NAV2: variants seen among roughly 807,000 people sequenced by gnomAD.
The protein encoded by NAV2 is helicase, APC down-regulated 1.
A neutral mutation model predicts 223.2 loss-of-function variants in NAV2; 54 were observed. That is an observed-to-expected ratio of 0.24 (90% CI 0.19 to 0.30). The LOEUF (loss-of-function observed/expected upper bound fraction) is 0.30. Among genes scored for constraint, NAV2 ranks in the 10% least tolerant of loss-of-function variants. The pLI is 1.00. For missense variants in NAV2, 2,806 were observed against 3,147.5 expected, an observed-to-expected ratio of 0.89 and a Z score of 2.60; for synonymous variants, 1,279 against 1,239.3, an observed-to-expected ratio of 1.03 and a Z score of -0.67.
chr11:19,933,402 C>G lies in NAV2; in HGVS notation c.1158C>G (p.Pro386=), dbSNP rs199882898. The G allele has an allele frequency of 6.3e-7, 1 of 1,581,480 alleles. No homozygotes were observed. Among genetic ancestry groups the G allele is most frequent in the Admixed American group, 1.8e-5 (1 of 54,494 alleles). Residue 386 remains proline (P), a synonymous_variant, in exon 7 of 38, where the codon CCC becomes CCG. Transcript: ENST00000349880. The surrounding 1 kb of genome is among the most constrained non-coding windows in gnomAD (Gnocchi z 4.3). ...CTCCTGGGCCTGAGGCCCCCAGGCC[C>G]ACACCTGAAGCCATGAAGCCGGCCC... is the stretch of plus-strand genomic sequence containing the variant. ...VKPPGPEAPR[P]TPEAMKPAPN...
At chr11:19,985,904 A>G (rs1160836601) in intron 11 of NAV2, among the ~76,000 whole-genome samples, 92 of 151,928 alleles carry the variant, frequency 6.1e-4, no homozygotes. Context: ...AGGAGAAACT[A>G]AACTCTCTGT....
chr11:19,471,677 T>A (rs2041969665), intron 1 of NAV2, among the ~76,000 whole-genome samples: 1 of 152,190 alleles, frequency 6.6e-6, no homozygotes, highest in Non-Finnish European at 1.5e-5. Flanking sequence ...TACATCGCCA[T>A]CCTCATCCTT....
chr11:19,859,714 T>C (rs1312253512), intron 3 of NAV2, among the ~76,000 whole-genome samples: 35 of 139,504 alleles, frequency 2.5e-4, no homozygotes, highest in South Asian at 9.8e-4. Context: ...CCAGTAGGGG[T>C]GGCCGGGCAG....
chr11:19,992,229 T>C (rs1219276288), intron 11 of NAV2, among the ~76,000 whole-genome samples: 2 of 152,236 alleles, frequency 1.3e-5, no homozygotes, highest in East Asian at 3.9e-4. Context: ...AATAACTACA[T>C]TGGCCTTGCC....
At chr11:19,706,460 T>C (rs1301208435) in intron 1 of NAV2, among the ~76,000 whole-genome samples, 1 of 152,246 alleles carries the variant, frequency 6.6e-6, no homozygotes. Flanking sequence ...CCTTTGTGCC[T>C]GATTTATCAT....
chr11:20,048,973 C>G lies in NAV2; in HGVS notation c.4148C>G (p.Thr1383Ser). 1 of 1,614,170 alleles carries G rather than the reference C, an allele frequency of 6.2e-7. No individual in the cohort carries two copies. Among genetic ancestry groups the G allele is most frequent in the Non-Finnish European group, 8.5e-7 (1 of 1,180,044 alleles). ...SAHSAPSNSL[T>S]WGTNASSSSA... ...CACTCGGCCCCTTCCAACAGCCTCACCTGGGGCACCAACGCCAGCAGCTCC... is the reference window on the plus strand; with the variant it reads ...CACTCGGCCCCTTCCAACAGCCTCAGCTGGGGCACCAACGCCAGCAGCTCC... Residue 1383 changes from threonine to serine, a missense_variant, in exon 15 of 38, where the codon ACC becomes AGC. Thr to Ser is a moderately conservative substitution (Grantham distance 58, BLOSUM62 1). This residue lies in a region of NAV2 where 742 missense variants were observed against 777.9 expected (regional missense o/e 0.95). Coordinates refer to ENST00000349880, the MANE Select transcript of NAV2 (RefSeq NM_145117.5).
intron 20 of NAV2, among the ~76,000 whole-genome samples, chr11:20,066,934 T>C (rs536498938): frequency 6.6e-6 from 1 of 152,240 alleles, no homozygotes; most frequent in Non-Finnish European, 1.5e-5. Flanking sequence ...GGTTCCTCTT[T>C]ATGAGCCCCT....
At chr11:19,391,504 G>A (rs1849247143) in intron 1 of NAV2, among the ~76,000 whole-genome samples, 2 of 152,206 alleles carry the variant, frequency 1.3e-5, no homozygotes, top group Non-Finnish European at 2.9e-5. Context: ...CAATGACACT[G>A]AGAATAATGT....
At chr11:19,355,801 G>A (rs1222963174) in intron 1 of NAV2, among the ~76,000 whole-genome samples, 1 of 152,184 alleles carries the variant, frequency 6.6e-6, no homozygotes, top group African/African-American at 2.4e-5. Flanking sequence ...CAGCAAGTCA[G>A]GGCTGCATGC....
In NAV2 at chr11:20,010,794, T is replaced by C. The variant is rs536254897; in HGVS notation, c.2769-25165T>C. Among the ~76,000 whole-genome samples the C allele has an allele frequency of 2.0e-5, 3 of 152,308 alleles. No individual in the cohort carries two copies. In the South Asian group the frequency reaches 6.2e-4, roughly 32 times the overall value. Reference sequence around the variant, plus strand: ...GTCTTCCAGGCAGCTGCTCTTTAGGTAAATTAATACCTGGGGATCTTTTTC... The same window carrying C: ...GTCTTCCAGGCAGCTGCTCTTTAGGCAAATTAATACCTGGGGATCTTTTTC... On this transcript the variant is annotated intron_variant, in intron 11 of 37. Coordinates refer to ENST00000349880, the MANE Select transcript of NAV2 (RefSeq NM_145117.5).
At chr11:19,422,950 T>G (rs1289445320) in intron 1 of NAV2, among the ~76,000 whole-genome samples, 1 of 152,248 alleles carries the variant, frequency 6.6e-6, no homozygotes, top group Non-Finnish European at 1.5e-5. Flanking sequence ...CTCTTGGCCA[T>G]TGTTGTAAAT....
rs142677780 is a variant in NAV2, at chr11:19,817,837, G to A, written c.268-14647G>A. 1.9e-3 allele frequency among the ~76,000 whole-genome samples: 293 copies of A among 152,238 alleles called. 4 individuals carry two copies. The highest frequency in any genetic ancestry group is 6.8e-3 in the African/African-American group (284 of 41,538). ...CCTGTCCCTTCACCTACTAGGAAGC[G>A]GAACTTGGCACCTCTTGTCCTTTCT... On this transcript the variant is annotated intron_variant, in intron 1 of 37. Transcript: ENST00000349880.
intron 1 of NAV2, among the ~76,000 whole-genome samples, chr11:19,586,283 A>C (rs1488296744): frequency 6.6e-6 from 1 of 151,658 alleles, no homozygotes; most frequent in Non-Finnish European, 1.5e-5. Context: ...CATTTTTCTA[A>C]TTTTTTTTCA....
chr11:20,106,175 A>ATATATATGTGTG lies in NAV2; in HGVS notation c.6841+449_6841+450insATATATGTGTGT, dbSNP rs11267537. On this transcript the variant is annotated intron_variant, in intron 35 of 37. Transcript: ENST00000349880. ...TGTGTGTATATATATATATATATAT[A>ATATATATGTGTG]TGTGTGTGTATATATATATATATAT... Among the ~76,000 whole-genome samples the ATATATATGTGTG allele has an allele frequency of 2.6e-3, 92 of 35,826 alleles. 16 individuals are homozygous for ATATATATGTGTG. Among genetic ancestry groups the ATATATATGTGTG allele is most frequent in the South Asian group, 0.012 (10 of 816 alleles). 23.5% of individuals were successfully genotyped at this position (35,826 alleles called of 152,430 possible). A position where few individuals can be genotyped will look rare whatever the true frequency, so the allele number is the denominator to read the frequency against.
intron 1 of NAV2, among the ~76,000 whole-genome samples, chr11:19,734,237 C>G (rs542488301): frequency 1.3e-5 from 2 of 152,102 alleles, no homozygotes; most frequent in South Asian, 2.1e-4. Flanking sequence ...AAGTTATGAC[C>G]TGACTAGGAA....
At chr11:19,765,565 G>T (rs1437572114) in intron 1 of NAV2, among the ~76,000 whole-genome samples, 1 of 152,112 alleles carries the variant, frequency 6.6e-6, no homozygotes, top group Non-Finnish European at 1.5e-5. Context: ...TTGAGGACTG[G>T]ATCTGGCCCC....
chr11:19,921,732 AACTT>A (rs1196090938), intron 6 of NAV2, among the ~76,000 whole-genome samples: 25 of 152,342 alleles, frequency 1.6e-4, no homozygotes, highest in South Asian at 1.4e-3. Context: ...GATCTTGGGT[AACTT>A]ACTTAACCCC....
intron 1 of NAV2, among the ~76,000 whole-genome samples, chr11:19,365,893 C>T (rs1396155571): frequency 6.6e-6 from 1 of 152,150 alleles, no homozygotes; most frequent in South Asian, 2.1e-4. Flanking sequence ...TGGACAAAGC[C>T]TTGTGCTTTG....
intron 37 of NAV2, 79 bp from the exon 38 acceptor site, chr11:20,118,054 G>A: frequency 6.5e-7 from 1 of 1,545,902 alleles, no homozygotes; most frequent in East Asian, 2.3e-5. Context: ...TCTGGAGGAG[G>A]TGGCATGACC....
Sources: gnomAD v4.1 joint callset for allele counts (sites outside exome capture counted in the v4.1 genomes callset) on GRCh38, gnomAD v4.1.1 for gene constraint, gnomAD v4.1.1 regional missense constraint, Gnocchi (gnomAD v3.1) non-coding constraint, MANE v1.5 for transcripts, NCBI Gene and HGNC (gene_info 2026-07-23, HGNC 2026-07-21) for gene names.